Variants in CDCA2 observed in about 807,000 individuals in gnomAD.
CDCA2 encodes the protein cell division cycle associated 2.
In CDCA2, 44 loss-of-function variants were observed where a neutral mutation model predicts 67.0. The ratio of observed to expected loss-of-function variants is 0.66; its 90% CI spans 0.52 to 0.84. The LOEUF is 0.84. CDCA2 is among the 40% of genes least tolerant of loss of function. The probability of loss-of-function intolerance (pLI) is 0.00; values close to 1 mark genes in which losing one functional copy is unlikely to be tolerated. For synonymous variants in CDCA2, 447 were observed against 418.7 expected (o/e 1.07, Z -0.82); for missense variants, 1,253 against 1,203.2 (o/e 1.04, Z -0.61).
intron 1 of CDCA2, 55 bp from the exon 2 acceptor site, chr8:25,460,178 TGATCGAA>T: frequency 6.6e-7 from 1 of 1,520,662 alleles, no homozygotes. Flanking sequence ...ATAAGGTACG[TGATCGAA>T]TCACGTTCAT....
chr8:25,487,709 C>T (rs1199367425), intron 12 of CDCA2, among the ~76,000 whole-genome samples: 1 of 152,102 alleles, frequency 6.6e-6, no homozygotes, highest in Non-Finnish European at 1.5e-5. Flanking sequence ...CGCCACTGCA[C>T]TCCAGCCTGG....
rs1232317094 is a variant in CDCA2 at position 25,487,318 on chromosome 8, C to G, written c.1517C>G (p.Thr506Ser). The G allele has an allele frequency of 3.1e-6, 5 of 1,597,956 alleles. No homozygotes were observed. The Admixed American group carries it at 8.4e-5, about 27-fold the overall frequency. The stretch of plus-strand genomic sequence containing the variant: ...CCTAAAGTTGGTAGAATAACAAGGA[C>G]TTCTAACAGAAGAAATGTAAGTGTT... ...SSPKVGRITR[T>S]SNRRNQLVSV... Residue 506 changes from threonine to serine, a missense_variant, in exon 12 of 15, where the codon ACT becomes AGT. By Grantham distance (58) the Thr-to-Ser change is moderately conservative (BLOSUM62 1). Transcript: ENST00000330560.
chr8:25,502,651 G>A (rs1804523915), intron 13 of CDCA2, among the ~76,000 whole-genome samples: 3 of 152,016 alleles, frequency 2.0e-5, no homozygotes, highest in South Asian at 4.1e-4. Context: ...GCATAAAGCA[G>A]TCTCCCATAG....
At chr8:25,487,175 G>A in intron 11 of CDCA2, 71 bp from the exon 12 acceptor site, 1 of 912,738 alleles carries the variant, frequency 1.1e-6, no homozygotes, top group South Asian at 1.4e-5. Context: ...TAAACACAGT[G>A]TTTCCAAAGG....
intron 7 of CDCA2, among the ~76,000 whole-genome samples, chr8:25,472,377 G>A (rs1242957160): frequency 6.6e-6 from 1 of 151,384 alleles, no homozygotes; most frequent in South Asian, 2.1e-4. Context: ...TCAGCCTCCC[G>A]AGTAGCTGGG....
At chr8:25,495,267 A>G (rs1163956668) in intron 13 of CDCA2, among the ~76,000 whole-genome samples, 3 of 152,212 alleles carry the variant, frequency 2.0e-5, no homozygotes, top group Admixed American at 6.5e-5. Flanking sequence ...TAAATGTTTT[A>G]CCTGACTATG....
rs777693349 is a variant in CDCA2 at position 25,488,658 on chromosome 8, G to A, written c.1640G>A (p.Cys547Tyr). Residue 547 changes from cysteine to tyrosine, a missense_variant, in exon 13 of 15, where the codon TGT (cysteine) becomes TAT (tyrosine). Coordinates refer to ENST00000330560, the MANE Select transcript of CDCA2 (RefSeq NM_152562.4). The part of the protein sequence containing the change: ...INRRKSQETK[C>Y]TKRALPKKSQ... ...AGGAGGAAGTCTCAAGAAACAAAGT[G>A]TACAAAGAGAGCACTTCCTAAGAAG... 2.5e-6 allele frequency: 4 copies of A among 1,611,382 alleles called. No individual in the cohort carries two copies. The highest frequency in any genetic ancestry group is 2.2e-5 in the East Asian group (1 of 44,714).
intron 4 of CDCA2, among the ~76,000 whole-genome samples, chr8:25,464,710 A>G (rs556203487): frequency 2.6e-4 from 40 of 152,332 alleles, no homozygotes; most frequent in Middle Eastern, 3.4e-3. Context: ...TATGTGTGCA[A>G]AAAAAGCACA....
At chr8:25,469,186 GC>G (rs1473973730) in intron 6 of CDCA2, among the ~76,000 whole-genome samples, 1 of 152,154 alleles carries the variant, frequency 6.6e-6, no homozygotes, top group Non-Finnish European at 1.5e-5. Flanking sequence ...AACCCTTTCT[GC>G]ACTTTCTCTG....
chr8:25,471,253 T>G (rs1456238190), intron 7 of CDCA2, among the ~76,000 whole-genome samples: 1 of 152,214 alleles, frequency 6.6e-6, no homozygotes, highest in African/African-American at 2.4e-5. Context: ...ATTTTAATCA[T>G]AAGATAAATG....
chr8:25,470,061 G>A, intron 7 of CDCA2, 81 bp downstream of exon 7: 1 of 928,948 alleles, frequency 1.1e-6, no homozygotes, highest in Admixed American at 2.2e-5. Flanking sequence ...GCTAAAATTT[G>A]GGGGAACTGA....
chr8:25,501,282 A>AT (rs1367917476), intron 13 of CDCA2, among the ~76,000 whole-genome samples: 1 of 152,212 alleles, frequency 6.6e-6, no homozygotes, highest in Non-Finnish European at 1.5e-5. Flanking sequence ...ATATCTATAG[A>AT]TTTCTCAAGG....
At chr8:25,462,918 C>T (rs1802757369) in intron 4 of CDCA2, among the ~76,000 whole-genome samples, 1 of 152,322 alleles carries the variant, frequency 6.6e-6, no homozygotes, top group South Asian at 2.1e-4. Context: ...TGACCCTAAG[C>T]AATCCCTATC....
intron 8 of CDCA2, 82 bp from the exon 9 acceptor site, chr8:25,483,317 G>A (rs66537174): frequency 0.31 from 248,879 of 808,688 alleles, 38,820 homozygotes; most frequent in Middle Eastern, 0.34. Flanking sequence ...AGTTGACAGA[G>A]AATTTCAAAA....
rs1300985176 is a variant in CDCA2 at position 25,507,478 on chromosome 8, A to T, written c.2812A>T (p.Ile938Leu). 6.2e-7 allele frequency: 1 copy of T among 1,613,800 alleles called. No homozygotes were observed. Among genetic ancestry groups the T allele is most frequent in the African/African-American group, 1.3e-5 (1 of 74,894 alleles). Residue 938 changes from isoleucine to leucine, a missense_variant, in exon 15 of 15, where the codon ATA becomes TTA. By Grantham distance (5) the Ile-to-Leu change is conservative (BLOSUM62 2). Transcript: ENST00000330560. ...DSSGFESMSP[I>L]KETVSSRQKP... ...CAGTGGATTTGAAAGTATGTCTCCC[A>T]TAAAAGAAACTGTGTCCTCCAGACA... is the stretch of plus-strand genomic sequence containing the variant.
At chr8:25,471,649 G>A (rs537381280) in intron 7 of CDCA2, among the ~76,000 whole-genome samples, 113 of 152,206 alleles carry the variant, frequency 7.4e-4, no homozygotes, top group Admixed American at 1.9e-3. Context: ...CACCGTGCCC[G>A]GCCCAACAGT....
chr8:25,487,356 A>G lies in CDCA2; in HGVS notation c.1533+22A>G, dbSNP rs113942500. 8.3e-5 allele frequency: 122 copies of G among 1,469,566 alleles called. 1 individual carries two copies. The African/African-American group carries it at 1.1e-3, about 14-fold the overall frequency. The allele number at this position is 1,469,566 out of a possible 1,614,324, so 91.0% of individuals were successfully genotyped here. ...AAATGTAAGTGTTTGTGTTTGGCACAACGTATTTGTTTTTAAATCGTGCAA... is the reference window on the plus strand; with the variant it reads ...AAATGTAAGTGTTTGTGTTTGGCACGACGTATTTGTTTTTAAATCGTGCAA... On this transcript the variant is annotated intron_variant, in intron 12 of 14. Transcript: ENST00000330560.
Position 25,484,052 on chromosome 8 carries a change from G to A in CDCA2, c.1207G>A (p.Val403Met). 3 of 1,614,196 alleles carry A rather than the reference G, an allele frequency of 1.9e-6. No individual in the cohort carries two copies. Among genetic ancestry groups the A allele is most frequent in the Admixed American group, 1.7e-5 (1 of 60,022 alleles). ...TTTTGGAGAGGACTTAAGCCCGGAA[G>A]TGTTTGATGAATCTTTGCCAGCAAA... is the stretch of plus-strand genomic sequence containing the variant. ...VTFGEDLSPEVFDESLPANTP... is the reference protein window; with the variant it reads ...VTFGEDLSPEMFDESLPANTP... The change falls in exon 10 of 15, where the codon GTG becomes ATG. Residue 403 changes from valine (V) to methionine (M), a missense_variant. Val to Met is a conservative substitution (Grantham distance 21, BLOSUM62 1). Coordinates refer to ENST00000330560, the MANE Select transcript of CDCA2 (RefSeq NM_152562.4).
intron 13 of CDCA2, among the ~76,000 whole-genome samples, chr8:25,501,403 A>G (rs1437302339): frequency 6.6e-6 from 1 of 152,174 alleles, no homozygotes; most frequent in African/African-American, 2.4e-5. Context: ...TCAAACGTTG[A>G]CACTCTCGAA....
Sources: gnomAD v4.1 joint callset for allele counts (sites outside exome capture counted in the v4.1 genomes callset) on GRCh38, gnomAD v4.1.1 for gene constraint, MANE v1.5 for transcripts, NCBI Gene and HGNC (gene_info 2026-07-23, HGNC 2026-07-21) for gene names.